CCDC170: variants seen among roughly 807,000 people sequenced by gnomAD.
CCDC170 encodes the protein coiled-coil domain containing 170.
In CCDC170, 69 loss-of-function variants were observed where a neutral mutation model predicts 72.6. The ratio of observed to expected loss-of-function variants is 0.95; its 90% confidence interval spans 0.78 to 1.16. CCDC170 has a LOEUF of 1.16. CCDC170 is among the 50% of genes most tolerant of loss of function. CCDC170 has a pLI of 0.00. For missense variants in CCDC170, 852 were observed against 832.5 expected (o/e 1.02, Z -0.29); for synonymous variants, 300 against 303.9 (o/e 0.99, Z 0.13).
chr6:151,515,723 C>T (rs983726302), intron 1 of CCDC170, among the ~76,000 whole-genome samples: 4 of 152,148 alleles, frequency 2.6e-5, no homozygotes, highest in Non-Finnish European at 5.9e-5. Context: ...AGATTCTTTA[C>T]AGAATATACA....
intron 9 of CCDC170, 23 bp from the exon 10 acceptor site, chr6:151,615,420 T>C (rs1239676285): frequency 3.3e-6 from 5 of 1,521,166 alleles, no homozygotes; most frequent in Non-Finnish European, 4.6e-6. Context: ...AAAGGAGTTA[T>C]CAGCATTCTC....
chr6:151,568,911 T>C (rs1583030595), intron 5 of CCDC170, among the ~76,000 whole-genome samples: 1 of 152,370 alleles, frequency 6.6e-6, no homozygotes, highest in East Asian at 1.9e-4. Context: ...ATTTTCTATA[T>C]TTAGTAACCT....
Position 151,618,080 on chromosome 6 carries a change from C to T in CCDC170, c.2081C>T (p.Ala694Val), listed in dbSNP as rs187984433. 3 of 1,614,000 alleles carry T rather than the reference C, an allele frequency of 1.9e-6. No individual in the cohort carries two copies. The highest frequency in any genetic ancestry group is 1.3e-5 in the African/African-American group (1 of 74,896). ...HSHQHHFVTC[A>V]CLKDVTTGQE... ...CATCAGCATCACTTTGTTACCTGTG[C>T]CTGCCTCAAAGATGTGACTACTGGG... The change falls in exon 11 of 11, where the codon GCC becomes GTC. Residue 694 changes from alanine (A) to valine (V), a missense_variant. Transcript: ENST00000239374.
chr6:151,541,780 A>G (rs1474536887), intron 3 of CCDC170, among the ~76,000 whole-genome samples: 2 of 148,432 alleles, frequency 1.3e-5, no homozygotes, highest in African/African-American at 4.9e-5. Flanking sequence ...GACTTTAGGT[A>G]GTGTACTATT....
At chr6:151,517,781 A>T (rs542895166) in intron 1 of CCDC170, among the ~76,000 whole-genome samples, 1 of 152,010 alleles carries the variant, frequency 6.6e-6, no homozygotes, top group East Asian at 1.9e-4. Flanking sequence ...AATGTGACTC[A>T]TGTCTGTCGA....
Position 151,584,429 on chromosome 6 carries a change from C to A in CCDC170, c.1093-1460C>A, listed in dbSNP as rs556188649. On this transcript the variant is annotated intron_variant, in intron 6 of 10. Transcript: ENST00000239374. ...ACATTCTCATGATGAATTCTTAATG[C>A]AGCCATTAAAATGTTAATTAAGAAT... 7.3e-4 allele frequency among the ~76,000 whole-genome samples: 111 copies of A among 152,190 alleles called. 4 individuals are homozygous for A. In the South Asian group the frequency reaches 1.0e-2, roughly 14 times the overall value.
At position 151,618,440 on chromosome 6, in the gene CCDC170, A is replaced by G. The variant is rs1360025259; in HGVS notation, c.*293A>G. The G allele has an allele frequency of 1.4e-5, 5 of 365,294 alleles. No homozygotes were observed. The highest frequency in any genetic ancestry group is 8.2e-5 in the African/African-American group (4 of 48,540). The allele number at this position is 365,294 out of a possible 1,614,324, so 22.6% of individuals were successfully genotyped here. ...TGGGAGATAATATTGGGAGGTATCTATTTTAAGTCAGGGGCTTTACTAGCC... is the reference window on the plus strand; with the variant it reads ...TGGGAGATAATATTGGGAGGTATCTGTTTTAAGTCAGGGGCTTTACTAGCC... On this transcript the variant is annotated 3_prime_UTR_variant, in exon 11 of 11. Transcript: ENST00000239374.
intron 1 of CCDC170, among the ~76,000 whole-genome samples, chr6:151,532,621 GA>G (rs1174523453): frequency 2.0e-5 from 3 of 148,298 alleles, no homozygotes; most frequent in East Asian, 2.0e-4. Context: ...AAAAAAAAAA[GA>G]AAAAAAAAGA....
intron 9 of CCDC170, among the ~76,000 whole-genome samples, chr6:151,611,487 G>C (rs1213168431): frequency 6.6e-6 from 1 of 152,094 alleles, no homozygotes; most frequent in African/African-American, 2.4e-5. Flanking sequence ...TGGTAGAAGG[G>C]GTGAGGCAGC....
At chr6:151,581,820 A>C (rs1251390118) in intron 6 of CCDC170, among the ~76,000 whole-genome samples, 1 of 152,184 alleles carries the variant, frequency 6.6e-6, no homozygotes, top group Non-Finnish European at 1.5e-5. Flanking sequence ...CTCTTTGTAC[A>C]TCTCCATCAG....
chr6:151,577,821 G>A (rs1215492037), intron 6 of CCDC170, among the ~76,000 whole-genome samples: 1 of 152,222 alleles, frequency 6.6e-6, no homozygotes, highest in Non-Finnish European at 1.5e-5. Context: ...ACGCTATTGC[G>A]AACTGTGCAT....
At chr6:151,603,282 A>G in intron 9 of CCDC170, among the ~76,000 whole-genome samples, 1 of 151,782 alleles carries the variant, frequency 6.6e-6, no homozygotes, top group East Asian at 1.9e-4. Flanking sequence ...TGGCATGTTT[A>G]AAGTTTGTTT....
intron 1 of CCDC170, 115 bp downstream of exon 1, chr6:151,494,300 A>C (rs1781877925): frequency 1.8e-6 from 2 of 1,136,540 alleles, no homozygotes; most frequent in South Asian, 1.9e-5. Context: ...GGGCAGAATC[A>C]GAGCAGCTCT....
At chr6:151,563,307 G>A (rs949352960) in intron 5 of CCDC170, among the ~76,000 whole-genome samples, 1 of 152,214 alleles carries the variant, frequency 6.6e-6, no homozygotes, top group East Asian at 1.9e-4. Flanking sequence ...CATAAGTGGG[G>A]TGGAGATGAC....
At chr6:151,541,886 A>ATATTT (rs1554221612) in intron 3 of CCDC170, among the ~76,000 whole-genome samples, 17 of 137,156 alleles carry the variant, frequency 1.2e-4, no homozygotes, top group African/African-American at 4.2e-4. Flanking sequence ...ATATATATAT[A>ATATTT]TTTTTTTTTT....
chr6:151,572,659 T>TTTTGTTTTTG (rs11282505), intron 5 of CCDC170, among the ~76,000 whole-genome samples: 5 of 125,886 alleles, frequency 4.0e-5, no homozygotes, highest in African/African-American at 5.9e-5. Flanking sequence ...GTTTTTTTTT[T>TTTTGTTTTTG]TTTTTTTTTT....
chr6:151,598,246 G>A (rs1776653740), intron 9 of CCDC170, among the ~76,000 whole-genome samples: 1 of 152,172 alleles, frequency 6.6e-6, no homozygotes, highest in Non-Finnish European at 1.5e-5. Context: ...GTGGGGATTT[G>A]GAATAGGGTG....
At chr6:151,525,462 C>G (rs1332726364) in intron 1 of CCDC170, among the ~76,000 whole-genome samples, 6 of 152,152 alleles carry the variant, frequency 3.9e-5, no homozygotes, top group Non-Finnish European at 7.3e-5. Context: ...GATCAATTGA[C>G]CTTATGACAA....
chr6:151,502,593 A>C (rs886499000), intron 1 of CCDC170, among the ~76,000 whole-genome samples: 2 of 152,236 alleles, frequency 1.3e-5, no homozygotes, highest in Non-Finnish European at 2.9e-5. Context: ...TCTACTTCAG[A>C]CTAAAAGAAA....
Sources: allele counts gnomAD v4.1 joint callset (sites outside exome capture counted in the v4.1 genomes callset), GRCh38; gene constraint gnomAD v4.1.1; transcripts MANE v1.5; gene names NCBI Gene and HGNC (gene_info 2026-07-23, HGNC 2026-07-21).